The following ST7 variants were observed in gnomAD, a reference collection of about 807,000 sequenced individuals.
The protein encoded by ST7 is suppression of tumorigenicity 7.
ST7 carries 28 observed loss-of-function variants against 78.7 expected under a neutral mutation model. The observed-to-expected ratio is 0.36, with a 90% CI of 0.26 to 0.49. ST7 has a LOEUF of 0.49. Ranked by LOEUF, ST7 falls within the 20% of genes least tolerant of loss-of-function variation. The pLI, the probability that ST7 is intolerant of heterozygous loss-of-function variation, is 0.99. For synonymous variants in ST7, 247 were observed against 249.6 expected (o/e 0.99, Z 0.10); for missense variants, 418 against 696.0 (o/e 0.60, Z 4.49).
intron 1 of ST7, among the ~76,000 whole-genome samples, chr7:117,035,392 C>T (rs1042723780): frequency 5.3e-5 from 8 of 152,142 alleles, no homozygotes; most frequent in Admixed American, 3.3e-4. Context: ...TGTCAGTAGA[C>T]TGTTTCAAAT....
intron 1 of ST7, among the ~76,000 whole-genome samples, chr7:116,989,513 G>GTTT (rs986686115): frequency 6.9e-6 from 1 of 145,020 alleles, no homozygotes; most frequent in African/African-American, 2.5e-5. Context: ...ATCTCTCTGA[G>GTTT]TTTTTTTTTT....
chr7:117,077,545 C>T (rs1370236673), intron 1 of ST7, among the ~76,000 whole-genome samples: 1 of 152,120 alleles, frequency 6.6e-6, no homozygotes, highest in East Asian at 1.9e-4. Flanking sequence ...TGTCCTCAAA[C>T]CAGAGAAAGA....
At chr7:117,191,214 C>T (rs1201721300) in intron 12 of ST7, among the ~76,000 whole-genome samples, 1 of 152,014 alleles carries the variant, frequency 6.6e-6, no homozygotes, top group Non-Finnish European at 1.5e-5. Flanking sequence ...GTAGATATCC[C>T]GGGAGTGTTG....
chr7:117,131,949 G>A lies in ST7; in HGVS notation c.630G>A (p.Leu210=). Residue 210 remains leucine, a synonymous_variant, in exon 6 of 16, where the codon TTG becomes TTA. Transcript: ENST00000323984. ...GGATTTCTGCAGCTCATGAAGCCTT[G>A]GAGATAAATGAGTAAGTGGGGGAAA... ...QARISAAHEA[L]EINEIRSRVE... 1 of 1,611,208 alleles carries A rather than the reference G, an allele frequency of 6.2e-7. No individual in the cohort carries two copies. The highest frequency in any genetic ancestry group is 8.5e-7 in the Non-Finnish European group (1 of 1,178,104).
Position 117,189,426 on chromosome 7 carries a change from C to T in ST7, c.1151+33C>T, listed in dbSNP as rs1809574249. 2.0e-6 allele frequency: 3 copies of T among 1,525,172 alleles called. No homozygotes were observed. The East Asian group carries it at 7.0e-5, about 36-fold the overall frequency. The allele number at this position is 1,525,172 out of a possible 1,614,324, so 94.5% of individuals were successfully genotyped here. A position where few individuals can be genotyped will look rare whatever the true frequency, so the allele number is the denominator to read the frequency against. ...AATAATAGTTTGCGCGGTACTAATGCCTGACCGGAATTGAGATGTGTTGCC... is the reference window on the plus strand; with the variant it reads ...AATAATAGTTTGCGCGGTACTAATGTCTGACCGGAATTGAGATGTGTTGCC... On this transcript the variant is annotated intron_variant, in intron 11 of 15. Transcript: ENST00000323984.
chr7:117,130,372 G>T, intron 4 of ST7, 119 bp from the exon 5 acceptor site: 1 of 582,672 alleles, frequency 1.7e-6, no homozygotes. Context: ...TTATTCATTA[G>T]CAAAGCTATT....
At chr7:117,101,085 G>T (rs1801535477) in intron 2 of ST7, among the ~76,000 whole-genome samples, 2 of 152,078 alleles carry the variant, frequency 1.3e-5, no homozygotes, top group Admixed American at 6.5e-5. Context: ...ATGTATGGAG[G>T]ACAGAAACCT....
chr7:117,046,941 T>C (rs1584515604), intron 1 of ST7, among the ~76,000 whole-genome samples: 1 of 152,204 alleles, frequency 6.6e-6, no homozygotes, highest in Non-Finnish European at 1.5e-5. Context: ...TCTTCATCTA[T>C]GAAATGGAGG....
intron 9 of ST7, among the ~76,000 whole-genome samples, chr7:117,149,531 C>T (rs940088703): frequency 6.6e-6 from 1 of 151,714 alleles, no homozygotes; most frequent in African/African-American, 2.4e-5. Flanking sequence ...GGTATTCTCA[C>T]CCTCCAATTT....
At chr7:117,143,326 C>T (rs1451940304) in intron 9 of ST7, among the ~76,000 whole-genome samples, 1 of 152,122 alleles carries the variant, frequency 6.6e-6, no homozygotes, top group Non-Finnish European at 1.5e-5. Context: ...TGTATCCTGG[C>T]CTCTCATTTC....
intron 3 of ST7, among the ~76,000 whole-genome samples, chr7:117,126,698 G>A (rs1028921423): frequency 2.0e-5 from 3 of 151,740 alleles, no homozygotes; most frequent in Non-Finnish European, 4.4e-5. Context: ...TGATTGTGAT[G>A]GAAGGTTTTA....
chr7:117,178,335 A>C (rs1305544601), intron 10 of ST7, among the ~76,000 whole-genome samples: 1 of 152,144 alleles, frequency 6.6e-6, no homozygotes, highest in Non-Finnish European at 1.5e-5. Flanking sequence ...TTAAAAAACA[A>C]AAATACAAAA....
chr7:117,016,231 A>T (rs1210927221), intron 1 of ST7, among the ~76,000 whole-genome samples: 1 of 152,132 alleles, frequency 6.6e-6, no homozygotes, highest in Non-Finnish European at 1.5e-5. Flanking sequence ...TCCTCATAAG[A>T]TTAGCATGCC....
chr7:117,097,891 TATATA>T lies in ST7; in HGVS notation c.152-1870_152-1866del. On this transcript the variant is annotated intron_variant, in intron 1 of 15. Transcript: ENST00000323984. ...TATATGACATATCACTATATATATATATATATATATATATATATTTTTTTTTTTTT... is the reference window on the plus strand; with the variant it reads ...TATATGACATATCACTATATATATATTATATATATATATTTTTTTTTTTTT... Among the ~76,000 whole-genome samples, 3 of 21,308 alleles carry T rather than the reference TATATA, an allele frequency of 1.4e-4. 1 individual carries two copies. The highest frequency in any genetic ancestry group is 2.8e-4 in the Non-Finnish European group (3 of 10,680). 14.0% of individuals were successfully genotyped at this position (21,308 alleles called of 152,430 possible).
chr7:116,992,598 G>T (rs568552724), intron 1 of ST7, among the ~76,000 whole-genome samples: 3 of 152,354 alleles, frequency 2.0e-5, no homozygotes, highest in African/African-American at 7.2e-5. Flanking sequence ...TCTGTGATGA[G>T]AGAGGCTGCC....
chr7:116,960,213 A>G (rs965477741), intron 1 of ST7, among the ~76,000 whole-genome samples: 10 of 151,828 alleles, frequency 6.6e-5, no homozygotes, highest in Non-Finnish European at 1.2e-4. Flanking sequence ...TTTTTAAGAC[A>G]GAGTCTCGCT....
chr7:116,968,904 G>T (rs979692545), intron 1 of ST7, among the ~76,000 whole-genome samples: 2 of 152,090 alleles, frequency 1.3e-5, no homozygotes, highest in Non-Finnish European at 2.9e-5. Flanking sequence ...GGAAAAGCTA[G>T]AATCTGTTGG....
At chr7:117,070,822 C>G (rs976226523) in intron 1 of ST7, among the ~76,000 whole-genome samples, 2 of 151,988 alleles carry the variant, frequency 1.3e-5, no homozygotes, top group African/African-American at 4.8e-5. Flanking sequence ...GGATTATAGG[C>G]GTGAGCCACC....
chr7:117,209,963 AT>A (rs1163677853), intron 13 of ST7, 26 bp downstream of exon 13: 5 of 1,602,310 alleles, frequency 3.1e-6, no homozygotes, highest in Non-Finnish European at 4.2e-6. Context: ...TTTTTGAAAC[AT>A]TTTTAAGAGC....
Sources: allele counts gnomAD v4.1 joint callset (sites outside exome capture counted in the v4.1 genomes callset), GRCh38; gene constraint gnomAD v4.1.1; transcripts MANE v1.5; gene names NCBI Gene and HGNC (gene_info 2026-07-23, HGNC 2026-07-21).